Variants in GUCY1A2 observed in about 807,000 individuals in gnomAD.
The protein encoded by GUCY1A2 is guanylate cyclase 1 soluble subunit alpha 2.
GUCY1A2 carries 27 observed loss-of-function variants against 63.5 expected under a neutral mutation model. The ratio of observed to expected loss-of-function variants is 0.43; its 90% CI spans 0.31 to 0.59. The LOEUF (loss-of-function observed/expected upper bound fraction) is 0.59. Ranked by LOEUF, GUCY1A2 falls within the 20% of genes least tolerant of loss-of-function variation. GUCY1A2 has a pLI of 0.11. For synonymous variants in GUCY1A2, 364 were observed against 343.5 expected, an observed-to-expected ratio of 1.06 and a Z score of -0.66; for missense variants, 768 against 913.3, an observed-to-expected ratio of 0.84 and a Z score of 2.05.
chr11:106,691,410 A>G lies in GUCY1A2; in HGVS notation c.1992-3654T>C, dbSNP rs537424502. Among the ~76,000 whole-genome samples the G allele has an allele frequency of 2.0e-5, 3 of 152,312 alleles. No individual in the cohort carries two copies. The East Asian group carries it at 5.8e-4, about 29-fold the overall frequency. ...TTTCCACAAAGTTTCCTTAAAGCCC[A>G]TAATCAACAATTAGGACTGCACATG... is the stretch of plus-strand genomic sequence containing the variant. On this transcript the variant is annotated intron_variant, in intron 7 of 7. Coordinates refer to ENST00000526355, the MANE Select transcript of GUCY1A2 (RefSeq NM_000855.3).
chr11:106,831,225 G>A (rs902632892), intron 4 of GUCY1A2, among the ~76,000 whole-genome samples: 2 of 152,120 alleles, frequency 1.3e-5, no homozygotes, highest in Middle Eastern at 3.2e-3. Context: ...TCATGATGAA[G>A]GTTGACTTTG....
chr11:106,805,146 A>T (rs934188586), intron 5 of GUCY1A2, among the ~76,000 whole-genome samples: 3 of 152,142 alleles, frequency 2.0e-5, no homozygotes, highest in African/African-American at 7.2e-5. Context: ...AAACCTGACA[A>T]TGTTTAATGC....
At chr11:106,923,064 C>T (rs965360557) in intron 4 of GUCY1A2, among the ~76,000 whole-genome samples, 1 of 152,030 alleles carries the variant, frequency 6.6e-6, no homozygotes, top group Non-Finnish European at 1.5e-5. Context: ...ACTGGGGACC[C>T]ACTAGGAAAT....
At chr11:106,716,118 T>C (rs554242475) in intron 6 of GUCY1A2, among the ~76,000 whole-genome samples, 1 of 152,290 alleles carries the variant, frequency 6.6e-6, no homozygotes, top group Non-Finnish European at 1.5e-5. Context: ...TCCTAAAGCC[T>C]GAAGAGCTTT....
At chr11:106,824,341 T>C (rs184549756) in intron 4 of GUCY1A2, among the ~76,000 whole-genome samples, 72 of 152,304 alleles carry the variant, frequency 4.7e-4, no homozygotes, top group Admixed American at 3.3e-3. Flanking sequence ...TATAGTTTTC[T>C]GTAAAGATAT....
In GUCY1A2 at chr11:106,676,535, A is replaced by C. The variant is rs900615378; in HGVS notation, c.*11014T>G. 1 of 186,772 alleles carries C rather than the reference A, an allele frequency of 5.4e-6. No homozygotes were observed. The highest frequency in any genetic ancestry group is 1.1e-5 in the Non-Finnish European group (1 of 88,510). 11.6% of individuals were successfully genotyped at this position (186,772 alleles called of 1,614,324 possible). ...ACATTGTATATTGCTTTTTCAATAGAGTAGACATAAAATTGATGACAAATG... is the reference window on the plus strand; with the variant it reads ...ACATTGTATATTGCTTTTTCAATAGCGTAGACATAAAATTGATGACAAATG... On this transcript the variant is annotated 3_prime_UTR_variant, in exon 8 of 8. Coordinates refer to ENST00000526355, the MANE Select transcript of GUCY1A2 (RefSeq NM_000855.3).
intron 7 of GUCY1A2, among the ~76,000 whole-genome samples, chr11:106,702,466 G>T (rs1324808574): frequency 6.6e-6 from 1 of 152,160 alleles, no homozygotes; most frequent in African/African-American, 2.4e-5. Flanking sequence ...AGGTTATGCA[G>T]TGAGAGGACT....
intron 1 of GUCY1A2, among the ~76,000 whole-genome samples, chr11:107,009,738 C>T (rs531336005): frequency 6.6e-6 from 1 of 152,158 alleles, no homozygotes; most frequent in African/African-American, 2.4e-5. Context: ...CCACCTTTAT[C>T]CCTAACCCAG....
At chr11:106,687,965 C>A (rs989738592) in intron 7 of GUCY1A2, among the ~76,000 whole-genome samples, 8 of 152,196 alleles carry the variant, frequency 5.3e-5, no homozygotes, top group East Asian at 1.9e-4. Context: ...AATAAAAAAA[C>A]CCCAAAGCTG....
intron 6 of GUCY1A2, among the ~76,000 whole-genome samples, chr11:106,716,944 A>C (rs1216438362): frequency 6.6e-6 from 1 of 151,882 alleles, no homozygotes; most frequent in Non-Finnish European, 1.5e-5. Flanking sequence ...AGTGAGGGGG[A>C]CTGGGGCTGC....
At chr11:106,968,169 A>G (rs1861149301) in intron 3 of GUCY1A2, among the ~76,000 whole-genome samples, 1 of 152,210 alleles carries the variant, frequency 6.6e-6, no homozygotes, top group Admixed American at 6.5e-5. Flanking sequence ...AAAATTATCT[A>G]GAGAATGTAT....
chr11:106,760,263 C>T (rs980932366), intron 6 of GUCY1A2, among the ~76,000 whole-genome samples: 61 of 152,146 alleles, frequency 4.0e-4, no homozygotes, highest in Non-Finnish European at 6.6e-4. Context: ...TGGATAAAGG[C>T]TTATACATCA....
intron 3 of GUCY1A2, among the ~76,000 whole-genome samples, chr11:106,951,438 C>G (rs1421122854): frequency 6.6e-6 from 1 of 152,238 alleles, no homozygotes; most frequent in Non-Finnish European, 1.5e-5. Context: ...ACCATTCTGA[C>G]TGGCGTGAGA....
In GUCY1A2 at chr11:106,864,361, C is replaced by T. The variant is rs936325718; in HGVS notation, c.1207-53883G>A. ...TCTAAATATACAATCATGTCATCTGCAAACAGAGACAATTTGACTTCCTCT... is the reference window on the plus strand; with the variant it reads ...TCTAAATATACAATCATGTCATCTGTAAACAGAGACAATTTGACTTCCTCT... On this transcript the variant is annotated intron_variant, in intron 4 of 7. Transcript: ENST00000526355. Among the ~76,000 whole-genome samples the T allele has an allele frequency of 2.6e-5, 4 of 152,088 alleles. No homozygotes were observed. In the East Asian group the frequency reaches 7.8e-4, roughly 29 times the overall value.
chr11:106,831,930 T>G (rs997873978), intron 4 of GUCY1A2, among the ~76,000 whole-genome samples: 1 of 152,156 alleles, frequency 6.6e-6, no homozygotes, highest in Non-Finnish European at 1.5e-5. Context: ...ACTAAGAATG[T>G]GGTGAAAAGA....
intron 4 of GUCY1A2, among the ~76,000 whole-genome samples, chr11:106,877,591 T>C (rs1859767265): frequency 2.0e-5 from 3 of 152,070 alleles, no homozygotes; most frequent in Admixed American, 6.6e-5. Context: ...AGACTGAAAC[T>C]GGACCCTTCC....
chr11:106,699,398 T>C (rs1862778408), intron 7 of GUCY1A2, among the ~76,000 whole-genome samples: 1 of 152,236 alleles, frequency 6.6e-6, no homozygotes, highest in Admixed American at 6.5e-5. Context: ...AAGCTTGGCA[T>C]TCTTTGTAAA....
intron 2 of GUCY1A2, among the ~76,000 whole-genome samples, chr11:106,985,495 A>T (rs1861389787): frequency 6.6e-6 from 1 of 152,206 alleles, no homozygotes; most frequent in Admixed American, 6.5e-5. Context: ...ATCACAGTTT[A>T]AAAAAGAGAT....
intron 2 of GUCY1A2, among the ~76,000 whole-genome samples, chr11:106,983,462 G>A (rs940586906): frequency 2.7e-4 from 41 of 152,264 alleles, no homozygotes; most frequent in Middle Eastern, 6.8e-3. Context: ...TGCTCTCCGC[G>A]TTGAAGTCTC....
Sources: allele counts gnomAD v4.1 joint callset (sites outside exome capture counted in the v4.1 genomes callset), GRCh38; gene constraint gnomAD v4.1.1; transcripts MANE v1.5; gene names NCBI Gene and HGNC (gene_info 2026-07-23, HGNC 2026-07-21).